The following METTL15 variants were observed in gnomAD, a reference collection of about 807,000 sequenced individuals.
METTL15 encodes methyltransferase 15, mitochondrial 12S rRNA N4-cytidine.
A neutral mutation model predicts 38.3 loss-of-function variants in METTL15; 34 were observed. That is an observed-to-expected ratio of 0.89 (90% CI 0.68 to 1.18). The LOEUF is 1.18. Ranked by LOEUF, METTL15 falls within the 50% of genes most tolerant of loss-of-function variation. The pLI is 0.00. For missense variants in METTL15, 438 were observed against 498.4 expected, an observed-to-expected ratio of 0.88 and a Z score of 1.15; for synonymous variants, 162 against 170.9, an observed-to-expected ratio of 0.95 and a Z score of 0.41.
chr11:28,484,480 A>G (rs1851421668), intron 6 of METTL15, among the ~76,000 whole-genome samples: 1 of 152,092 alleles, frequency 6.6e-6, no homozygotes, highest in Admixed American at 6.6e-5. Flanking sequence ...CGGACTGCCT[A>G]TGGTATGCTG....
chr11:28,348,167 A>G (rs1201151277), intron 3 of METTL15, among the ~76,000 whole-genome samples: 1 of 152,212 alleles, frequency 6.6e-6, no homozygotes, highest in East Asian at 1.9e-4. Flanking sequence ...AATGTTTTGA[A>G]TGGAGATACT....
rs912236766 is a variant in METTL15 at position 28,122,260 on chromosome 11, A to G, written c.270+8656A>G. On this transcript the variant is annotated intron_variant, in intron 3 of 6. Transcript: ENST00000407364. ...AATGCTTTGTTCATATCATGTTATA[A>G]AATGTGAAAAACTGATGCAGAAATT... The G allele has an allele frequency of 4.9e-6, 5 of 1,018,678 alleles. No individual in the cohort carries two copies. The African/African-American group carries it at 8.7e-5, about 18-fold the overall frequency. 63.1% of individuals were successfully genotyped at this position (1,018,678 alleles called of 1,614,324 possible). A position where few individuals can be genotyped will look rare whatever the true frequency, so the allele number is the denominator to read the frequency against.
intron 6 of METTL15, among the ~76,000 whole-genome samples, chr11:28,504,848 G>A (rs899158945): frequency 2.6e-5 from 4 of 152,230 alleles, no homozygotes; most frequent in African/African-American, 7.2e-5. Context: ...CTGCTGGCAC[G>A]TAACATGCAC....
intron 3 of METTL15, among the ~76,000 whole-genome samples, chr11:28,138,476 C>G (rs1161609469): frequency 6.6e-6 from 1 of 152,194 alleles, no homozygotes; most frequent in Non-Finnish European, 1.5e-5. Context: ...GTGAAACCAA[C>G]AAGCCTCAAT....
At chr11:28,179,715 A>G (rs1280913567) in intron 3 of METTL15, among the ~76,000 whole-genome samples, 2 of 151,814 alleles carry the variant, frequency 1.3e-5, no homozygotes, top group Non-Finnish European at 2.9e-5. Context: ...TTATGAATAA[A>G]GCTCATATGA....
intron 5 of METTL15, among the ~76,000 whole-genome samples, chr11:28,385,243 C>CTGTGTT (rs1437872042): frequency 3.3e-5 from 5 of 152,124 alleles, no homozygotes; most frequent in African/African-American, 1.2e-4. Flanking sequence ...AATAGTATTA[C>CTGTGTT]CTAGATTGTC....
At chr11:28,459,003 A>C (rs2002304) in intron 6 of METTL15, among the ~76,000 whole-genome samples, 64,222 of 151,930 alleles carry the variant, frequency 0.42, 14,974 homozygotes, top group Admixed American at 0.54. Context: ...AGCACCATTG[A>C]AATGCTCCTA....
intron 4 of METTL15, among the ~76,000 whole-genome samples, chr11:28,247,843 G>C (rs532357808): frequency 6.6e-6 from 1 of 152,050 alleles, no homozygotes; most frequent in East Asian, 1.9e-4. Flanking sequence ...GTCAACCAAG[G>C]GTTTAGGATC....
intron 3 of METTL15, among the ~76,000 whole-genome samples, chr11:28,191,519 A>G (rs1424161248): frequency 2.0e-5 from 3 of 151,544 alleles, no homozygotes; most frequent in Non-Finnish European, 3.0e-5. Context: ...CATGTAGTCA[A>G]TAATAGTATC....
At chr11:28,196,835 C>T (rs1851927913) in intron 3 of METTL15, among the ~76,000 whole-genome samples, 2 of 151,826 alleles carry the variant, frequency 1.3e-5, no homozygotes, top group South Asian at 4.2e-4. Context: ...ATTTCAAATG[C>T]CTGTTTCTAG....
At chr11:28,135,711 C>CA (rs1208569318) in intron 3 of METTL15, among the ~76,000 whole-genome samples, 1 of 152,194 alleles carries the variant, frequency 6.6e-6, no homozygotes, top group African/African-American at 2.4e-5. Flanking sequence ...AGAATACTCA[C>CA]AAATAGTTTC....
intron 4 of METTL15, among the ~76,000 whole-genome samples, chr11:28,353,750 C>G (rs976549639): frequency 6.6e-6 from 1 of 151,274 alleles, no homozygotes; most frequent in Non-Finnish European, 1.5e-5. Context: ...AAGGTGAAAC[C>G]CCGTCTCTAC....
At chr11:28,188,992 A>G (rs1481841188) in intron 3 of METTL15, among the ~76,000 whole-genome samples, 1 of 151,344 alleles carries the variant, frequency 6.6e-6, no homozygotes, top group Non-Finnish European at 1.5e-5. Context: ...AATATCGTTT[A>G]CCATAATGTG....
chr11:28,476,444 G>A (rs1482943606), intron 6 of METTL15, among the ~76,000 whole-genome samples: 14 of 152,188 alleles, frequency 9.2e-5, no homozygotes, highest in Non-Finnish European at 2.1e-4. Flanking sequence ...TATTATTGAT[G>A]AGTTTCCTTT....
chr11:28,265,145 A>G (rs939514998), intron 4 of METTL15, among the ~76,000 whole-genome samples: 2 of 152,198 alleles, frequency 1.3e-5, no homozygotes, highest in South Asian at 2.1e-4. Flanking sequence ...ACCACAGAAT[A>G]CAAGGACAAA....
chr11:28,424,491 C>G (rs934769249), intron 6 of METTL15: 2 of 152,130 alleles, frequency 1.3e-5, no homozygotes, highest in Non-Finnish European at 2.9e-5. Context: ...AGAGGGGCAT[C>G]GGTTCAATGC....
Position 28,296,868 on chromosome 11 carries a change from A to G in METTL15, c.715A>G (p.Ile239Val), listed in dbSNP as rs779182918. 12 of 1,613,488 alleles carry G rather than the reference A, an allele frequency of 7.4e-6. No individual in the cohort carries two copies. The highest frequency in any genetic ancestry group is 1.7e-5 in the Admixed American group (1 of 59,880). Reference sequence around the variant, plus strand: ...GCATGCCAAGAAAATCGCTTCAGCAATTGTTCAGGCACGCAGCATCTACCC... The same window carrying G: ...GCATGCCAAGAAAATCGCTTCAGCAGTTGTTCAGGCACGCAGCATCTACCC... ...EKHAKKIASA[I>V]VQARSIYPIT... Residue 239 changes from isoleucine to valine, a missense_variant, in exon 6 of 7, where the codon ATT becomes GTT. Ile to Val is a conservative substitution (Grantham distance 29, BLOSUM62 3). Coordinates refer to ENST00000407364, the MANE Select transcript of METTL15 (RefSeq NM_001113528.2).
chr11:28,496,343 A>AC (rs1300935835), intron 6 of METTL15, among the ~76,000 whole-genome samples: 2 of 152,036 alleles, frequency 1.3e-5, no homozygotes, highest in African/African-American at 2.4e-5. Context: ...TGTGGGAACC[A>AC]CCCCCATGAT....
At position 28,250,886 on chromosome 11, in the gene METTL15, CT is replaced by C. The variant is rs34577904; in HGVS notation, c.408-39313del. On this transcript the variant is annotated intron_variant, in intron 4 of 6. Coordinates refer to ENST00000407364, the MANE Select transcript of METTL15 (RefSeq NM_001113528.2). ...GTCAACCACCTTGTCAATTTGAGCC[CT>C]TTTTTTCCCCTATTTTCCTTGCATT... 4.6e-5 allele frequency among the ~76,000 whole-genome samples: 7 copies of C among 151,922 alleles called. No individual in the cohort carries two copies. In the South Asian group the frequency reaches 6.2e-4, roughly 13 times the overall value.
Sources: allele counts gnomAD v4.1 joint callset (sites outside exome capture counted in the v4.1 genomes callset), GRCh38; gene constraint gnomAD v4.1.1; transcripts MANE v1.5; gene names NCBI Gene and HGNC (gene_info 2026-07-23, HGNC 2026-07-21).